DDX10: variants seen among roughly 807,000 people sequenced by gnomAD.
DDX10 encodes the protein probable ATP-dependent RNA helicase DDX10.
Under a neutral mutation model 104.3 loss-of-function variants are expected in DDX10, and 74 were observed. That is an observed-to-expected ratio of 0.71 (90% CI 0.59 to 0.86). DDX10 has a LOEUF of 0.86. Among genes scored for constraint, DDX10 ranks in the 40% least tolerant of loss-of-function variants. The pLI is 0.00. For missense variants in DDX10, 952 were observed against 1,040.0 expected (o/e 0.92, Z 1.16); for synonymous variants, 351 against 353.4 (o/e 0.99, Z 0.08).
chr11:108,873,576 A>T (rs750082698), intron 16 of DDX10, among the ~76,000 whole-genome samples: 10 of 152,108 alleles, frequency 6.6e-5, no homozygotes, highest in Non-Finnish European at 5.9e-5. Context: ...CCTTCCGAGA[A>T]CACCTTCTTT....
intron 16 of DDX10, among the ~76,000 whole-genome samples, chr11:108,852,980 G>A (rs961304359): frequency 3.9e-5 from 6 of 152,062 alleles, no homozygotes; most frequent in Admixed American, 6.5e-5. Context: ...AATATTCTTC[G>A]TCATTTTTTT....
Position 108,914,617 on chromosome 11 carries a change from A to C in DDX10, c.2305-3256A>C, listed in dbSNP as rs539255499. ...GAATCTAGTGTTTCGGTAATATGTTATCTACAATCTCCAGTTTTCTACAAA... is the reference window on the plus strand; with the variant it reads ...GAATCTAGTGTTTCGGTAATATGTTCTCTACAATCTCCAGTTTTCTACAAA... On this transcript the variant is annotated intron_variant, in intron 16 of 17. Transcript: ENST00000322536. 7.2e-5 allele frequency among the ~76,000 whole-genome samples: 11 copies of C among 152,316 alleles called. No homozygotes were observed. The South Asian group carries it at 2.3e-3, about 32-fold the overall frequency.
chr11:108,682,241 A>T (rs1224783866), intron 6 of DDX10, among the ~76,000 whole-genome samples: 1 of 152,088 alleles, frequency 6.6e-6, no homozygotes, highest in Non-Finnish European at 1.5e-5. Flanking sequence ...AGCAGCTGGG[A>T]TTACAGGTGC....
intron 13 of DDX10, among the ~76,000 whole-genome samples, chr11:108,832,269 A>G (rs1197112519): frequency 6.6e-6 from 1 of 152,220 alleles, no homozygotes; most frequent in East Asian, 1.9e-4. Context: ...TAGTTTTTAA[A>G]AATCTTCTAG....
chr11:108,709,470 ATAG>A (rs1417018079), intron 10 of DDX10, among the ~76,000 whole-genome samples: 1 of 152,218 alleles, frequency 6.6e-6, no homozygotes, highest in Non-Finnish European at 1.5e-5. Flanking sequence ...TTTTTAATAG[ATAG>A]TAGCCTATTG....
chr11:108,925,799 G>A (rs758052396), intron 17 of DDX10, among the ~76,000 whole-genome samples: 4 of 152,048 alleles, frequency 2.6e-5, no homozygotes, highest in African/African-American at 4.8e-5. Context: ...TTTAAAGATC[G>A]TACCCATGCT....
intron 6 of DDX10, among the ~76,000 whole-genome samples, chr11:108,682,834 C>A (rs1170040718): frequency 6.6e-6 from 1 of 152,092 alleles, no homozygotes; most frequent in East Asian, 1.9e-4. Context: ...TTTCTGAAAA[C>A]CTCTTTATTT....
At chr11:108,919,808 C>T (rs1863800069) in intron 17 of DDX10, 1 of 152,152 alleles carries the variant, frequency 6.6e-6, no homozygotes, top group South Asian at 2.1e-4. Flanking sequence ...GTACAGCAGG[C>T]ATTTCATTTA....
At chr11:108,864,720 A>G (rs1862986061) in intron 16 of DDX10, among the ~76,000 whole-genome samples, 2 of 152,118 alleles carry the variant, frequency 1.3e-5, no homozygotes, top group Non-Finnish European at 2.9e-5. Flanking sequence ...TCAGCCTTCC[A>G]AAGTACTGGG....
At chr11:108,900,002 A>G (rs1243994862) in intron 16 of DDX10, among the ~76,000 whole-genome samples, 1 of 152,106 alleles carries the variant, frequency 6.6e-6, no homozygotes, top group Non-Finnish European at 1.5e-5. Context: ...AATCCCAGCT[A>G]CTTGGGAGGC....
chr11:108,868,497 C>T (rs1176983681), intron 16 of DDX10, among the ~76,000 whole-genome samples: 1 of 151,830 alleles, frequency 6.6e-6, no homozygotes, highest in Non-Finnish European at 1.5e-5. Context: ...TTATTATTTG[C>T]CACATGCTCA....
In DDX10 at chr11:108,875,577, G is replaced by GAGT. The variant is rs982984823; in HGVS notation, c.2304+23372_2304+23374dup. Among the ~76,000 whole-genome samples the GAGT allele has an allele frequency of 7.8e-4, 119 of 152,304 alleles. 1 individual carries two copies. The highest frequency in any genetic ancestry group is 2.7e-3 in the African/African-American group (113 of 41,558). On this transcript the variant is annotated intron_variant, in intron 16 of 17. Transcript: ENST00000322536. ...CTGATGTGTTAAGTGCAAAGATGAA[G>GAGT]AGTAGTGCCTGTAATGTACTAATGT...
intron 17 of DDX10, chr11:108,918,262 T>C: frequency 4.4e-6 from 2 of 451,146 alleles, no homozygotes; most frequent in South Asian, 6.3e-5. Context: ...ATGAGTATGA[T>C]ATATGAGTTG....
At chr11:108,897,079 C>T (rs1412540886) in intron 16 of DDX10, among the ~76,000 whole-genome samples, 1 of 152,136 alleles carries the variant, frequency 6.6e-6, no homozygotes, top group Non-Finnish European at 1.5e-5. Context: ...CTTCTTTAAA[C>T]TGAAGGTACC....
At chr11:108,716,697 C>G (rs1008348066) in intron 11 of DDX10, among the ~76,000 whole-genome samples, 3 of 152,234 alleles carry the variant, frequency 2.0e-5, no homozygotes, top group South Asian at 2.1e-4. Flanking sequence ...TTTTAACTTA[C>G]GTTTATGACT....
intron 13 of DDX10, among the ~76,000 whole-genome samples, chr11:108,751,041 C>T (rs2094338124): frequency 7.3e-6 from 1 of 137,862 alleles, no homozygotes; most frequent in Non-Finnish European, 1.5e-5. Context: ...CTTGGCCTCC[C>T]AAAATGCTGG....
rs930314402 is a variant in DDX10, at chr11:108,679,266, G to A, written c.659-105G>A. 30 of 955,926 alleles carry A rather than the reference G, an allele frequency of 3.1e-5. No homozygotes were observed. The South Asian group carries it at 4.7e-4, about 15-fold the overall frequency. The allele number at this position is 955,926 out of a possible 1,614,324, so 59.2% of individuals were successfully genotyped here. On this transcript the variant is annotated intron_variant, in intron 5 of 17. Transcript: ENST00000322536. ...TTATTCAGGTTTTACCAGTTTTTCCGCTAATGTTCTTTTTCTGTTTTAGGA... is the reference window on the plus strand; with the variant it reads ...TTATTCAGGTTTTACCAGTTTTTCCACTAATGTTCTTTTTCTGTTTTAGGA...
At chr11:108,718,004 A>G (rs1039598663) in intron 11 of DDX10, among the ~76,000 whole-genome samples, 1 of 152,128 alleles carries the variant, frequency 6.6e-6, no homozygotes, top group Non-Finnish European at 1.5e-5. Flanking sequence ...ACTAAAAACA[A>G]TGACAAAAAA....
intron 13 of DDX10, among the ~76,000 whole-genome samples, chr11:108,766,924 C>T (rs964861861): frequency 6.6e-6 from 1 of 152,160 alleles, no homozygotes; most frequent in African/African-American, 2.4e-5. Context: ...TTCAGGTTGG[C>T]TTTAAAAGTA....
Sources: gnomAD v4.1 joint callset for allele counts (sites outside exome capture counted in the v4.1 genomes callset) on GRCh38, gnomAD v4.1.1 for gene constraint, MANE v1.5 for transcripts, NCBI Gene and HGNC (gene_info 2026-07-23, HGNC 2026-07-21) for gene names.